Variants in FAP observed in about 807,000 individuals in gnomAD.
FAP encodes fibroblast activation protein alpha.
Under a neutral mutation model 126.5 loss-of-function variants are expected in FAP, and 110 were observed. The ratio of observed to expected loss-of-function variants is 0.87; its 90% CI spans 0.74 to 1.02. The LOEUF (loss-of-function observed/expected upper bound fraction) is 1.02. FAP is among the 50% of genes least tolerant of loss of function. The probability of loss-of-function intolerance (pLI) is 0.00; values close to 1 mark genes in which losing one functional copy is unlikely to be tolerated. For synonymous variants in FAP, 334 were observed against 297.3 expected, an observed-to-expected ratio of 1.12 and a Z score of -1.27; for missense variants, 919 against 909.2, an observed-to-expected ratio of 1.01 and a Z score of -0.14.
At chr2:162,186,658 A>T (rs919205791) in intron 20 of FAP, among the ~76,000 whole-genome samples, 1 of 152,120 alleles carries the variant, frequency 6.6e-6, no homozygotes, top group Non-Finnish European at 1.5e-5. Flanking sequence ...TTTGGAAAAG[A>T]TCTAAATAAA....
chr2:162,185,558 C>A (rs370415402), intron 20 of FAP, among the ~76,000 whole-genome samples: 1 of 152,106 alleles, frequency 6.6e-6, no homozygotes, highest in Non-Finnish European at 1.5e-5. Flanking sequence ...TCTCTTCTGA[C>A]GCATTTTCTT....
At chr2:162,206,746 T>C (rs1237864466) in intron 12 of FAP, among the ~76,000 whole-genome samples, 1 of 152,220 alleles carries the variant, frequency 6.6e-6, no homozygotes, top group Admixed American at 6.5e-5. Context: ...GCAATTTTGT[T>C]ATTTTTTCTG....
intron 16 of FAP, among the ~76,000 whole-genome samples, chr2:162,195,522 G>A (rs527955636): frequency 1.3e-5 from 2 of 151,874 alleles, no homozygotes; most frequent in South Asian, 2.1e-4. Context: ...TCCCGGGTTG[G>A]GGGGAGGTAG....
chr2:162,198,337 G>A (rs758536459), intron 16 of FAP: 92 of 1,284,044 alleles, frequency 7.2e-5, no homozygotes, highest in Non-Finnish European at 9.2e-5. Flanking sequence ...GGCAAAGGGG[G>A]CCAAAAGTCC....
At chr2:162,221,961 C>A (rs1689423359) in intron 6 of FAP, among the ~76,000 whole-genome samples, 1 of 151,888 alleles carries the variant, frequency 6.6e-6, no homozygotes, top group Non-Finnish European at 1.5e-5. Flanking sequence ...CCTGACCACC[C>A]CCCCACCAAA....
intron 17 of FAP, among the ~76,000 whole-genome samples, chr2:162,191,732 A>C (rs945986029): frequency 6.6e-6 from 1 of 152,140 alleles, no homozygotes; most frequent in Admixed American, 6.6e-5. Context: ...CATGTCATGA[A>C]TTGATTAATT....
At position 162,225,229 on chromosome 2, in the gene FAP, C is replaced by T. The variant is rs1288742634; in HGVS notation, c.285+254G>A. On this transcript the variant is annotated intron_variant, in intron 4 of 25. Transcript: ENST00000188790. ...GGATTTGAACCTCAATTGGCTGACA[C>T]TAAGGACTGAGTTCTTAACTCCTAT... 4.6e-5 allele frequency among the ~76,000 whole-genome samples: 7 copies of T among 152,112 alleles called. No individual in the cohort carries two copies. The East Asian group carries it at 1.2e-3, about 25-fold the overall frequency.
intron 12 of FAP, among the ~76,000 whole-genome samples, chr2:162,208,341 C>T (rs1261743114): frequency 6.6e-6 from 1 of 151,538 alleles, no homozygotes; most frequent in Non-Finnish European, 1.5e-5. Context: ...TAGTGCAATA[C>T]AGATTTTTTA....
At chr2:162,242,882 T>C in intron 2 of FAP, 26 bp downstream of exon 2, 1 of 1,573,470 alleles carries the variant, frequency 6.4e-7, no homozygotes, top group Admixed American at 1.7e-5. Context: ...TCTAGGCAGA[T>C]AGAGCAAATC....
At chr2:162,178,714 A>G (rs1260157948) in intron 21 of FAP, among the ~76,000 whole-genome samples, 1 of 152,184 alleles carries the variant, frequency 6.6e-6, no homozygotes, top group Non-Finnish European at 1.5e-5. Flanking sequence ...ATGGAGAGTA[A>G]TGTGGGATTT....
At chr2:162,232,556 C>G (rs879452162) in intron 2 of FAP, among the ~76,000 whole-genome samples, 1 of 152,144 alleles carries the variant, frequency 6.6e-6, no homozygotes, top group Non-Finnish European at 1.5e-5. Flanking sequence ...TGAGCTTTTT[C>G]AAAGCAAATA....
chr2:162,217,756 T>G (rs1689208941), intron 9 of FAP, among the ~76,000 whole-genome samples: 1 of 152,148 alleles, frequency 6.6e-6, no homozygotes, highest in Non-Finnish European at 1.5e-5. Context: ...AGACCATATG[T>G]TTTTCAAAGA....
chr2:162,210,176 T>C (rs1022482261), intron 11 of FAP, among the ~76,000 whole-genome samples, 180 bp from the exon 12 acceptor site: 1 of 152,210 alleles, frequency 6.6e-6, no homozygotes, highest in African/African-American at 2.4e-5. Context: ...CACTGTTGTA[T>C]ATACATGGGT....
chr2:162,198,835 G>A lies in FAP; in HGVS notation c.1324C>T (p.His442Tyr). Residue 442 changes from histidine to tyrosine, a missense_variant, in exon 16 of 26, where the codon CAT becomes TAT. By Grantham distance (83) the His-to-Tyr change is moderately conservative. Transcript: ENST00000188790. ...TATTGGCACCTTTCTTTCCTTAGAT[G>A]GCAAGTAACACACTTCTTGCTTGGA... ...YPPSKKCVTC[H>Y]LRKERCQYYT... 6.2e-7 allele frequency: 1 copy of A among 1,613,436 alleles called. No individual in the cohort carries two copies. The highest frequency in any genetic ancestry group is 8.5e-7 in the Non-Finnish European group (1 of 1,179,470).
intron 25 of FAP, 108 bp from the exon 26 acceptor site, chr2:162,171,188 CTG>C (rs1687293626): frequency 2.7e-6 from 2 of 738,296 alleles, no homozygotes; most frequent in East Asian, 5.1e-5. Context: ...TATGGGGAAA[CTG>C]TACCTAAGAA....
intron 16 of FAP, chr2:162,195,002 T>A (rs1306122046): frequency 1.4e-5 from 7 of 496,748 alleles, no homozygotes; most frequent in Non-Finnish European, 1.5e-5. Flanking sequence ...TAATCCTGAA[T>A]CATTAATATC....
chr2:162,224,404 TA>T, intron 5 of FAP, 61 bp downstream of exon 5: 2 of 1,016,200 alleles, frequency 2.0e-6, no homozygotes, highest in Non-Finnish European at 1.5e-6. Flanking sequence ...TCACTTTTTT[TA>T]AACCACCTTG....
At chr2:162,220,864 T>G (rs1385809460) in intron 6 of FAP, among the ~76,000 whole-genome samples, 1 of 152,166 alleles carries the variant, frequency 6.6e-6, no homozygotes, top group Non-Finnish European at 1.5e-5. Flanking sequence ...CGAGACTGCC[T>G]TCGTGGGAAA....
intron 2 of FAP, among the ~76,000 whole-genome samples, chr2:162,240,069 G>A (rs1356151400): frequency 1.3e-5 from 2 of 152,138 alleles, no homozygotes; most frequent in South Asian, 2.1e-4. Flanking sequence ...CAGACGAAGA[G>A]GGGTGATGCT....
Sources: allele counts gnomAD v4.1 joint callset (sites outside exome capture counted in the v4.1 genomes callset), GRCh38; gene constraint gnomAD v4.1.1; transcripts MANE v1.5; gene names NCBI Gene and HGNC (gene_info 2026-07-23, HGNC 2026-07-21).